Variants in UNC13C observed in about 807,000 individuals in gnomAD.
UNC13C encodes the protein unc-13 homolog C, also known as protein unc-13 homolog C.
A neutral mutation model predicts 245.4 loss-of-function variants in UNC13C; 174 were observed. The ratio of observed to expected loss-of-function variants is 0.71; its 90% CI spans 0.63 to 0.80. The LOEUF (loss-of-function observed/expected upper bound fraction) is 0.80, where lower values mean the gene tolerates loss of function less well. UNC13C is among the 30% of genes least tolerant of loss of function. The pLI is 0.00. For synonymous variants in UNC13C, 992 were observed against 895.1 expected (o/e 1.11, Z -1.93); for missense variants, 2,829 against 2,602.9 (o/e 1.09, Z -1.89).
At chr15:54,293,119 A>T (rs1483886660) in intron 10 of UNC13C, among the ~76,000 whole-genome samples, 1 of 151,838 alleles carries the variant, frequency 6.6e-6, no homozygotes, top group Non-Finnish European at 1.5e-5. Context: ...CAGGATACAC[A>T]GAAAGCAAAG....
chr15:54,054,576 C>A (rs879713260), intron 2 of UNC13C, among the ~76,000 whole-genome samples: 4 of 152,084 alleles, frequency 2.6e-5, no homozygotes, highest in Middle Eastern at 3.2e-3. Context: ...CATCTACTTG[C>A]CATTTATAAT....
rs545726519 is a variant in UNC13C, at chr15:54,224,353, G to A, written c.3072-10677G>A. Among the ~76,000 whole-genome samples, 4 of 152,136 alleles carry A rather than the reference G, an allele frequency of 2.6e-5. No homozygotes were observed. The South Asian group carries it at 8.3e-4, about 32-fold the overall frequency. On this transcript the variant is annotated intron_variant, in intron 4 of 32. Coordinates refer to ENST00000260323, the MANE Select transcript of UNC13C (RefSeq NM_001080534.3). The stretch of plus-strand genomic sequence containing the variant: ...CTTTTATAGTGAAGGAATATTGAAT[G>A]TCATCAAATGCTTTTTCGATATCAG...
chr15:54,518,502 A>G (rs765426592), intron 24 of UNC13C, among the ~76,000 whole-genome samples: 1 of 152,234 alleles, frequency 6.6e-6, no homozygotes, highest in Non-Finnish European at 1.5e-5. Context: ...TTTAACTGCC[A>G]TCTTCTATAA....
Position 54,473,229 on chromosome 15 carries a change from T to C in UNC13C, c.4934-21379T>C, listed in dbSNP as rs1443572977. Among the ~76,000 whole-genome samples, 4 of 151,866 alleles carry C rather than the reference T, an allele frequency of 2.6e-5. No individual in the cohort carries two copies. In the East Asian group the frequency reaches 5.8e-4, roughly 22 times the overall value. On this transcript the variant is annotated intron_variant, in intron 19 of 32. Transcript: ENST00000260323. Reference sequence around the variant, plus strand: ...ATTTATTTTATTTTATTTTATTTTATTGATACATAATAATTATACATATGT... The same window carrying C: ...ATTTATTTTATTTTATTTTATTTTACTGATACATAATAATTATACATATGT...
At chr15:53,960,855 A>C in the UNC13C span, among the ~76,000 whole-genome samples, 2 of 152,186 alleles carry the variant, frequency 1.3e-5, no homozygotes, top group Non-Finnish European at 2.9e-5. Flanking sequence ...ACTGTCCCCC[A>C]CCACATAGCT....
chr15:54,403,167 C>G (rs562610409), intron 18 of UNC13C, among the ~76,000 whole-genome samples: 1 of 152,180 alleles, frequency 6.6e-6, no homozygotes, highest in Non-Finnish European at 1.5e-5. Context: ...ACATCACACA[C>G]GTTATTTAGG....
the UNC13C span, among the ~76,000 whole-genome samples, chr15:53,972,230 C>G: frequency 1.3e-5 from 2 of 152,160 alleles, no homozygotes; most frequent in Non-Finnish European, 2.9e-5. Flanking sequence ...GTCAACCCTT[C>G]CGATGCTTAT....
chr15:54,565,551 G>A lies in UNC13C; in HGVS notation c.5959-2249G>A, dbSNP rs561946184. 7.2e-5 allele frequency among the ~76,000 whole-genome samples: 11 copies of A among 152,082 alleles called. 2 individuals carry two copies. The South Asian group carries it at 2.1e-3, about 29-fold the overall frequency. ...AGAGTATAATTGTGATATCCATGCA[G>A]TTATAAAATGTGTCAAAATGTTATT... On this transcript the variant is annotated intron_variant, in intron 29 of 32. Coordinates refer to ENST00000260323, the MANE Select transcript of UNC13C (RefSeq NM_001080534.3).
At chr15:54,569,712 A>C (rs1897668087) in intron 30 of UNC13C, among the ~76,000 whole-genome samples, 1 of 152,066 alleles carries the variant, frequency 6.6e-6, no homozygotes, top group African/African-American at 2.4e-5. Flanking sequence ...GAGGATTCTT[A>C]ATTCTAATAA....
intron 9 of UNC13C, among the ~76,000 whole-genome samples, chr15:54,264,851 G>A (rs1301003157): frequency 6.6e-6 from 1 of 151,872 alleles, no homozygotes; most frequent in East Asian, 1.9e-4. Context: ...GAAGTTGCTT[G>A]TAATGTCAAC....
the UNC13C span, among the ~76,000 whole-genome samples, chr15:53,954,492 A>G: frequency 6.6e-6 from 1 of 152,250 alleles, no homozygotes; most frequent in African/African-American, 2.4e-5. Flanking sequence ...AAAGTTACAC[A>G]TAGTTATAAA....
chr15:54,409,996 C>T (rs1187295608), intron 18 of UNC13C, among the ~76,000 whole-genome samples: 9 of 152,110 alleles, frequency 5.9e-5, no homozygotes, highest in African/African-American at 1.9e-4. Flanking sequence ...CCACTAGCAG[C>T]GTATAATTGT....
At chr15:54,360,170 T>A (rs2039197100) in intron 17 of UNC13C, among the ~76,000 whole-genome samples, 1 of 152,174 alleles carries the variant, frequency 6.6e-6, no homozygotes, top group South Asian at 2.1e-4. Flanking sequence ...AAATGATACT[T>A]GATATTATTT....
At chr15:53,955,610 A>G in the UNC13C span, among the ~76,000 whole-genome samples, 1 of 152,216 alleles carries the variant, frequency 6.6e-6, no homozygotes, top group East Asian at 1.9e-4. Flanking sequence ...TTTTCTACAG[A>G]AATTTGAGGC....
At chr15:54,430,621 C>T (rs1386642756) in intron 19 of UNC13C, among the ~76,000 whole-genome samples, 2 of 151,804 alleles carry the variant, frequency 1.3e-5, no homozygotes, top group East Asian at 3.9e-4. Flanking sequence ...TGTCAAATTA[C>T]ATTTTCTATA....
At chr15:54,556,756 A>T (rs1897108687) in intron 29 of UNC13C, among the ~76,000 whole-genome samples, 2 of 148,126 alleles carry the variant, frequency 1.4e-5, no homozygotes, top group South Asian at 4.3e-4. Context: ...TAGAAAAAAA[A>T]TAAGCTCTAG....
At chr15:54,066,561 G>A (rs1399280454) in intron 2 of UNC13C, among the ~76,000 whole-genome samples, 1 of 152,192 alleles carries the variant, frequency 6.6e-6, no homozygotes, top group African/African-American at 2.4e-5. Context: ...ACTGCAAGGT[G>A]GCCACAGGGC....
At chr15:54,598,480 T>C (rs915896974) in intron 30 of UNC13C, among the ~76,000 whole-genome samples, 1 of 152,212 alleles carries the variant, frequency 6.6e-6, no homozygotes, top group African/African-American at 2.4e-5. Flanking sequence ...TATACAGAGA[T>C]AGTTCGATGC....
At chr15:54,297,665 A>G in intron 11 of UNC13C, 146 bp from the exon 12 acceptor site, 2 of 668,128 alleles carry the variant, frequency 3.0e-6, no homozygotes, top group African/African-American at 1.8e-5. Context: ...CATCATGGTT[A>G]CTTAATAAGC....
Sources: gnomAD v4.1 joint callset for allele counts (sites outside exome capture counted in the v4.1 genomes callset) on GRCh38, gnomAD v4.1.1 for gene constraint, MANE v1.5 for transcripts, NCBI Gene and HGNC (gene_info 2026-07-23, HGNC 2026-07-21) for gene names.